CHD5: variants seen among roughly 807,000 people sequenced by gnomAD.
CHD5 encodes chromodomain helicase DNA binding protein 5.
In CHD5, 69 loss-of-function variants were observed where a neutral mutation model predicts 230.3. The ratio of observed to expected loss-of-function variants is 0.30; its 90% CI spans 0.25 to 0.37. CHD5 has a LOEUF of 0.37. Ranked by LOEUF, CHD5 falls within the 10% of genes least tolerant of loss-of-function variation. The probability of loss-of-function intolerance (pLI) is 1.00; values close to 1 mark genes in which losing one functional copy is unlikely to be tolerated. For synonymous variants in CHD5, 1,064 were observed against 1,065.9 expected, an observed-to-expected ratio of 1.00 and a Z score of 0.03; for missense variants, 1,827 against 2,622.8, an observed-to-expected ratio of 0.70 and a Z score of 6.63.
Position 6,167,608 on chromosome 1 carries a change from G to A in CHD5, c.207+542C>T, listed in dbSNP as rs772062769. ...AGCACACTCGGAATGTGTCAGCAGC[G>A]TGGGAAGACAAGGGACGTGTTCACA... On this transcript the variant is annotated intron_variant, in intron 2 of 41. Transcript: ENST00000262450. The surrounding 1 kb of genome is among the most constrained non-coding windows in gnomAD (Gnocchi z 4.5). Among the ~76,000 whole-genome samples the A allele has an allele frequency of 2.0e-4, 30 of 152,182 alleles. No individual in the cohort carries two copies. The highest frequency in any genetic ancestry group is 7.2e-4 in the African/African-American group (30 of 41,446).
chr1:6,174,913 TGGATGGATGGTGGATGAA>T (rs1667398189), intron 1 of CHD5, among the ~76,000 whole-genome samples: 1 of 144,144 alleles, frequency 6.9e-6, no homozygotes, highest in Non-Finnish European at 1.5e-5. Flanking sequence ...GGTGGGTGGA[TGGATGGATGGTGGATGAA>T]GGATGGATGG....
intron 6 of CHD5, 63 bp downstream of exon 6, chr1:6,152,349 T>C: frequency 6.4e-7 from 1 of 1,557,586 alleles, no homozygotes; most frequent in Non-Finnish European, 8.7e-7. Flanking sequence ...GGCCCTTGCG[T>C]GCTCATGTGC....
chr1:6,141,464 A>T (rs956975086), intron 15 of CHD5, among the ~76,000 whole-genome samples: 2 of 151,560 alleles, frequency 1.3e-5, no homozygotes, highest in Non-Finnish European at 2.9e-5. Context: ...AAAAATACAA[A>T]ATTAGCCGGC....
chr1:6,124,385 G>A lies in CHD5; in HGVS notation c.4539+132C>T, dbSNP rs1011440760. 4.5e-5 allele frequency: 48 copies of A among 1,058,222 alleles called. No individual in the cohort carries two copies. The Admixed American group carries it at 8.2e-4, about 18-fold the overall frequency. 65.6% of individuals were successfully genotyped at this position (1,058,222 alleles called of 1,614,324 possible). A position where few individuals can be genotyped will look rare whatever the true frequency, so the allele number is the denominator to read the frequency against. Reference sequence around the variant, plus strand: ...AAAGGCTTTCCAGGTCAGTCCCTCTGGAGTGACTCGGACCCTGGGCAGCTG... The same window carrying A: ...AAAGGCTTTCCAGGTCAGTCCCTCTAGAGTGACTCGGACCCTGGGCAGCTG... On this transcript the variant is annotated intron_variant, in intron 30 of 41. Transcript: ENST00000262450.
chr1:6,149,782 G>A (rs1291097533), intron 7 of CHD5, among the ~76,000 whole-genome samples: 1 of 151,626 alleles, frequency 6.6e-6, no homozygotes, highest in Non-Finnish European at 1.5e-5. Flanking sequence ...TGGATGGATG[G>A]ATGGATGGAC....
At chr1:6,117,844 T>C (rs964189062) in intron 33 of CHD5, among the ~76,000 whole-genome samples, 3 of 152,186 alleles carry the variant, frequency 2.0e-5, no homozygotes, top group Non-Finnish European at 2.9e-5. Context: ...GGTAAGAATG[T>C]GAACTGATGC....
intron 1 of CHD5, among the ~76,000 whole-genome samples, chr1:6,170,470 C>T (rs1439704071): frequency 1.3e-5 from 2 of 152,174 alleles, no homozygotes; most frequent in South Asian, 2.1e-4. Flanking sequence ...CCCTCCCACC[C>T]TTGCATCCCA....
At chr1:6,151,438 T>G (rs1287964009) in intron 6 of CHD5, among the ~76,000 whole-genome samples, 1 of 152,066 alleles carries the variant, frequency 6.6e-6, no homozygotes, top group Non-Finnish European at 1.5e-5. Context: ...CCTGCCAAAC[T>G]CCTAAACATC....
At position 6,155,594 on chromosome 1, in the gene CHD5, C is replaced by T. The variant is rs1292405175; in HGVS notation, c.506+5G>A. On this transcript the variant is annotated splice_donor_5th_base_variant and intron_variant, in intron 4 of 41. Coordinates refer to ENST00000262450, the MANE Select transcript of CHD5 (RefSeq NM_015557.3). This position sits in a 1 kb window ranked among gnomAD's most constrained non-coding sequence, Gnocchi z 4.0. ...CCTGGAGAACAGCCCTAGTGCCCCGCCCACCTGAGGAACTGGCTGAAGGCC... is the reference window on the plus strand; with the variant it reads ...CCTGGAGAACAGCCCTAGTGCCCCGTCCACCTGAGGAACTGGCTGAAGGCC... The T allele has an allele frequency of 6.2e-7, 1 of 1,610,880 alleles. No individual in the cohort carries two copies. Among genetic ancestry groups the T allele is most frequent in the Non-Finnish European group, 8.5e-7 (1 of 1,177,220 alleles).
At chr1:6,127,425 G>A (rs531459782) in intron 25 of CHD5, among the ~76,000 whole-genome samples, 1 of 152,208 alleles carries the variant, frequency 6.6e-6, no homozygotes, top group South Asian at 2.1e-4. Context: ...GGCGTTGGTT[G>A]CAGTGAGCTG....
chr1:6,138,559 G>A (rs986366384), intron 15 of CHD5, among the ~76,000 whole-genome samples: 2 of 152,248 alleles, frequency 1.3e-5, no homozygotes, highest in African/African-American at 4.8e-5. Flanking sequence ...ATGCCTGTGA[G>A]AGAGCAGAGA....
chr1:6,171,941 C>T (rs537798658), intron 1 of CHD5, among the ~76,000 whole-genome samples: 10 of 152,260 alleles, frequency 6.6e-5, no homozygotes, highest in South Asian at 4.1e-4. Flanking sequence ...TGAGGCTCCA[C>T]GGATCCAAGC....
chr1:6,149,154 C>T, intron 8 of CHD5, 79 bp from the exon 9 acceptor site: 1 of 1,467,960 alleles, frequency 6.8e-7, no homozygotes. Context: ...TCCCCTACAG[C>T]ATCTCCCCGC....
chr1:6,133,989 CT>C lies in CHD5; in HGVS notation c.3144+138del, dbSNP rs1418596218. On this transcript the variant is annotated intron_variant, in intron 20 of 41. Coordinates refer to ENST00000262450, the MANE Select transcript of CHD5 (RefSeq NM_015557.3). ...ATGCCAGGGCACGGGGGAGTGACCC[CT>C]GACACACAGTCACATGACCCACATG... The C allele has an allele frequency of 1.7e-5, 14 of 804,080 alleles. No homozygotes were observed. The African/African-American group carries it at 2.2e-4, about 13-fold the overall frequency. 49.8% of individuals were successfully genotyped at this position (804,080 alleles called of 1,614,324 possible).
At position 6,128,839 on chromosome 1, in the gene CHD5, C is replaced by T. The variant is rs776349432; in HGVS notation, c.3618G>A (p.Glu1206=). 1.9e-6 allele frequency: 3 copies of T among 1,607,676 alleles called. No individual in the cohort carries two copies. Among genetic ancestry groups the T allele is most frequent in the African/African-American group, 2.7e-5 (2 of 74,834 alleles). Residue 1206 remains glutamate, a splice_region_variant and synonymous_variant, in exon 23 of 42, where the codon GAG becomes GAA. Coordinates refer to ENST00000262450, the MANE Select transcript of CHD5 (RefSeq NM_015557.3). This position sits in a 1 kb window ranked among gnomAD's most constrained non-coding sequence, Gnocchi z 7.8. ...CGCTCCCTCGGAACAGAGGCCCACC[C>T]TCCACGTCGTCCTTGAAGAGTTCCT... is the stretch of plus-strand genomic sequence containing the variant. The part of the protein sequence containing the change: ...GTEELFKDDV[E]GMMSQGQRPV...
intron 15 of CHD5, among the ~76,000 whole-genome samples, chr1:6,138,083 A>C (rs1194704204): frequency 6.6e-6 from 1 of 152,204 alleles, no homozygotes; most frequent in Non-Finnish European, 1.5e-5. Flanking sequence ...CGACTTTAAA[A>C]AGCAAATTTA....
rs921287016 is a variant in CHD5 at position 6,168,912 on chromosome 1, G to A, written c.80-635C>T. Among the ~76,000 whole-genome samples the A allele has an allele frequency of 8.5e-5, 13 of 152,096 alleles. No individual in the cohort carries two copies. The East Asian group carries it at 9.7e-4, about 11-fold the overall frequency. ...TGGGCGCCTGTAATTCCAACTATTCGGGAGGCTGAGGCTGGAGAATCGCTC... is the reference window on the plus strand; with the variant it reads ...TGGGCGCCTGTAATTCCAACTATTCAGGAGGCTGAGGCTGGAGAATCGCTC... On this transcript the variant is annotated intron_variant, in intron 1 of 41. Coordinates refer to ENST00000262450, the MANE Select transcript of CHD5 (RefSeq NM_015557.3).
intron 33 of CHD5, among the ~76,000 whole-genome samples, chr1:6,116,577 T>C (rs1229499963): frequency 6.6e-6 from 1 of 152,212 alleles, no homozygotes; most frequent in East Asian, 1.9e-4. Flanking sequence ...ACAAACTTCC[T>C]AGACAGGAGC....
chr1:6,112,076 T>C, intron 35 of CHD5, 64 bp downstream of exon 35: 1 of 1,571,872 alleles, frequency 6.4e-7, no homozygotes, highest in Middle Eastern at 1.7e-4. Flanking sequence ...TAACCACTGG[T>C]CTAGACTCCT....
Sources: gnomAD v4.1 joint callset for allele counts (sites outside exome capture counted in the v4.1 genomes callset) on GRCh38, gnomAD v4.1.1 for gene constraint, Gnocchi (gnomAD v3.1) non-coding constraint, MANE v1.5 for transcripts, NCBI Gene and HGNC (gene_info 2026-07-23, HGNC 2026-07-21) for gene names.